THRB: variants seen among roughly 807,000 people sequenced by gnomAD.
THRB encodes nuclear receptor subfamily 1 group A member 2.
A neutral mutation model predicts 47.8 loss-of-function variants in THRB; 12 were observed. The observed-to-expected ratio is 0.25, with a 90% CI of 0.16 to 0.41. The LOEUF (loss-of-function observed/expected upper bound fraction) is 0.41. THRB is among the 10% of genes least tolerant of loss of function. The pLI is 1.00. For missense variants in THRB, 348 were observed against 589.2 expected, an observed-to-expected ratio of 0.59 and a Z score of 4.24; for synonymous variants, 218 against 212.2, an observed-to-expected ratio of 1.03 and a Z score of -0.24.
chr3:24,290,401 A>G (rs2055799003), intron 3 of THRB, among the ~76,000 whole-genome samples: 2 of 152,306 alleles, frequency 1.3e-5, no homozygotes, highest in South Asian at 4.1e-4. Context: ...CTGAATTAAC[A>G]CGGGAGACAT....
intron 3 of THRB, among the ~76,000 whole-genome samples, chr3:24,252,200 G>C (rs1440195467): frequency 6.6e-6 from 1 of 152,064 alleles, no homozygotes; most frequent in Non-Finnish European, 1.5e-5. Flanking sequence ...TGAACAAAAA[G>C]TAACAGGGAG....
Position 24,133,397 on chromosome 3 carries a change from G to A in THRB, c.804C>T (p.Ala268=). 1 of 1,614,098 alleles carries A rather than the reference G, an allele frequency of 6.2e-7. No homozygotes were observed. Among genetic ancestry groups the A allele is most frequent in the South Asian group, 1.1e-5 (1 of 91,074 alleles). The change falls in exon 9 of 11, where the codon GCC becomes GCT. Residue 268 remains alanine, a synonymous_variant. Transcript: ENST00000646209. ...TGATGATTTTTGTAAAATGGCTGAA[G>A]GCTTCCAAGTCAACCTTTCCACCTT... ...APEGGKVDLE[A]FSHFTKIITP... is the part of the protein sequence containing the mutation.
intron 1 of THRB, among the ~76,000 whole-genome samples, chr3:24,427,823 T>C (rs1470534579): frequency 1.3e-5 from 2 of 152,088 alleles, no homozygotes; most frequent in Non-Finnish European, 2.9e-5. Flanking sequence ...AGTATCACAG[T>C]ATCTTTAACC....
At chr3:24,488,557 CTTT>C (rs34346213) in intron 1 of THRB, among the ~76,000 whole-genome samples, 1 of 145,878 alleles carries the variant, frequency 6.9e-6, no homozygotes, top group Non-Finnish European at 1.5e-5. Flanking sequence ...AATTTGCCTT[CTTT>C]TTTTTTTTTT....
chr3:24,488,427 G>T (rs1697629905), intron 1 of THRB, among the ~76,000 whole-genome samples: 1 of 152,150 alleles, frequency 6.6e-6, no homozygotes, highest in African/African-American at 2.4e-5. Flanking sequence ...ACTATAGATA[G>T]TATTTGTTAA....
chr3:24,257,778 A>C lies in THRB; in HGVS notation c.-42-28777T>G, dbSNP rs559059898. 5.3e-5 allele frequency among the ~76,000 whole-genome samples: 8 copies of C among 152,354 alleles called. No individual in the cohort carries two copies. The South Asian group carries it at 1.5e-3, about 28-fold the overall frequency. On this transcript the variant is annotated intron_variant, in intron 3 of 10. Coordinates refer to ENST00000646209, the MANE Select transcript of THRB (RefSeq NM_001354712.2). The stretch of plus-strand genomic sequence containing the variant: ...AATGCATTCAACACACAAACAAAAC[A>C]AGTGAATGCACACTGTTAGACACAA...
chr3:24,302,656 C>A (rs1235902037), intron 2 of THRB, among the ~76,000 whole-genome samples: 1 of 152,148 alleles, frequency 6.6e-6, no homozygotes, highest in Non-Finnish European at 1.5e-5. Flanking sequence ...TCATAGAAAA[C>A]AACACACCAC....
At chr3:24,408,412 T>A (rs1381487389) in intron 1 of THRB, among the ~76,000 whole-genome samples, 3 of 151,896 alleles carry the variant, frequency 2.0e-5, no homozygotes, top group Admixed American at 1.3e-4. Context: ...TGTACCATTC[T>A]GCTGTTGTGA....
chr3:24,487,648 T>C (rs770521139), intron 1 of THRB, among the ~76,000 whole-genome samples: 7 of 152,174 alleles, frequency 4.6e-5, no homozygotes, highest in African/African-American at 7.2e-5. Context: ...AGGGTGACTG[T>C]AGCATTTCTC....
chr3:24,320,940 A>G (rs1415497637), intron 2 of THRB, among the ~76,000 whole-genome samples: 1 of 152,164 alleles, frequency 6.6e-6, no homozygotes, highest in African/African-American at 2.4e-5. Context: ...AAGATGACAG[A>G]AAGAGCCATC....
intron 5 of THRB, among the ~76,000 whole-genome samples, chr3:24,179,534 AC>A (rs1286599261): frequency 6.6e-6 from 1 of 152,166 alleles, no homozygotes; most frequent in Non-Finnish European, 1.5e-5. Flanking sequence ...TTTTTGGTAA[AC>A]CTGAGATTAA....
At chr3:24,329,784 G>A (rs2061802164) in intron 2 of THRB, among the ~76,000 whole-genome samples, 2 of 152,228 alleles carry the variant, frequency 1.3e-5, no homozygotes, top group Non-Finnish European at 2.9e-5. Context: ...TTGTCTTGAT[G>A]AAAAATTCCT....
chr3:24,212,487 A>G (rs1388323666), intron 4 of THRB, among the ~76,000 whole-genome samples: 1 of 151,636 alleles, frequency 6.6e-6, no homozygotes, highest in African/African-American at 2.4e-5. Context: ...GAGGCTGAGG[A>G]AAATCACTTG....
chr3:24,248,659 C>T (rs556833666), intron 3 of THRB, among the ~76,000 whole-genome samples: 125 of 152,170 alleles, frequency 8.2e-4, no homozygotes, highest in African/African-American at 2.9e-3. Flanking sequence ...TTTTTCATGC[C>T]CCAGGAGCAT....
chr3:24,140,190 G>A (rs935124650), intron 8 of THRB, among the ~76,000 whole-genome samples: 5 of 152,176 alleles, frequency 3.3e-5, no homozygotes, highest in African/African-American at 1.2e-4. Context: ...TATGTAAACT[G>A]GCTAAGACAC....
chr3:24,489,871 A>C (rs1268426843), intron 1 of THRB, among the ~76,000 whole-genome samples: 2 of 152,174 alleles, frequency 1.3e-5, no homozygotes, highest in African/African-American at 4.8e-5. Context: ...TTGGGAACTT[A>C]AATTGGAGAA....
At chr3:24,240,096 C>T (rs1015746925) in intron 3 of THRB, among the ~76,000 whole-genome samples, 3 of 152,188 alleles carry the variant, frequency 2.0e-5, no homozygotes, top group African/African-American at 7.2e-5. Context: ...ATGGCTATAA[C>T]AGCTTTGAAA....
intron 3 of THRB, among the ~76,000 whole-genome samples, chr3:24,239,242 G>A (rs960623794): frequency 9.2e-5 from 14 of 152,000 alleles, no homozygotes; most frequent in East Asian, 1.9e-4. Context: ...GCATTCAGTC[G>A]CACATTAGGT....
At chr3:24,283,795 C>T (rs1315301895) in intron 3 of THRB, among the ~76,000 whole-genome samples, 6 of 152,086 alleles carry the variant, frequency 3.9e-5, no homozygotes, top group Admixed American at 2.0e-4. Flanking sequence ...CAGTAACAGA[C>T]AGAGAGCCAA....
Sources: gnomAD v4.1 joint callset for allele counts (sites outside exome capture counted in the v4.1 genomes callset) on GRCh38, gnomAD v4.1.1 for gene constraint, MANE v1.5 for transcripts, NCBI Gene and HGNC (gene_info 2026-07-23, HGNC 2026-07-21) for gene names.